Variants in TEK observed in about 807,000 individuals in gnomAD.
TEK encodes TEK receptor tyrosine kinase, also known as angiopoietin-1 receptor.
In TEK, 43 loss-of-function variants were observed where a neutral mutation model predicts 131.8. That is an observed-to-expected ratio of 0.33 (90% CI 0.26 to 0.42). The LOEUF (loss-of-function observed/expected upper bound fraction) is 0.42. TEK is among the 10% of genes least tolerant of loss of function. The pLI, the probability that TEK is intolerant of heterozygous loss-of-function variation, is 1.00. For missense variants in TEK, 1,162 were observed against 1,384.4 expected (o/e 0.84, Z 2.55); for synonymous variants, 580 against 491.6 (o/e 1.18, Z -2.38).
At chr9:27,217,784 G>GAT (rs1564105785) in intron 19 of TEK, 26 bp downstream of exon 19, 1 of 1,497,606 alleles carries the variant, frequency 6.7e-7, no homozygotes, top group Non-Finnish European at 8.9e-7. Flanking sequence ...ATTGCCAAGG[G>GAT]ATTTTTTTTC....
rs1824008945 is a variant in TEK at position 27,172,836 on chromosome 9, T to C, written c.760+89T>C. 2.6e-6 allele frequency: 4 copies of C among 1,567,726 alleles called. No individual in the cohort carries two copies. In the South Asian group the frequency reaches 4.6e-5, roughly 18 times the overall value. On this transcript the variant is annotated intron_variant, in intron 5 of 22. Coordinates refer to ENST00000380036, the MANE Select transcript of TEK (RefSeq NM_000459.5). ...TTTTAGATCTCGACACAGATGGGAA[T>C]GGACGCTAAATGGCCTCTGTTAGGT... is the stretch of plus-strand genomic sequence containing the variant.
At chr9:27,165,811 C>T (rs1281752680) in intron 2 of TEK, among the ~76,000 whole-genome samples, 1 of 152,206 alleles carries the variant, frequency 6.6e-6, no homozygotes, top group African/African-American at 2.4e-5. Context: ...GCCCCCAGGT[C>T]ATCATCTGCA....
intron 4 of TEK, among the ~76,000 whole-genome samples, chr9:27,171,742 G>T (rs1171310506): frequency 6.6e-6 from 1 of 152,158 alleles, no homozygotes; most frequent in Admixed American, 6.6e-5. Context: ...AATTTATGAT[G>T]ATAGCAAAAC....
chr9:27,195,534 C>G, intron 11 of TEK: 1 of 411,368 alleles, frequency 2.4e-6, no homozygotes, highest in South Asian at 1.8e-5. Context: ...TTTTTTGCCC[C>G]ATAGGAGTGA....
At chr9:27,161,415 G>A (rs561998533) in intron 2 of TEK, among the ~76,000 whole-genome samples, 1 of 152,318 alleles carries the variant, frequency 6.6e-6, no homozygotes, top group African/African-American at 2.4e-5. Flanking sequence ...GTATATACAA[G>A]AAGCATCGAT....
At chr9:27,116,174 A>T (rs972061402) in intron 1 of TEK, among the ~76,000 whole-genome samples, 8 of 152,120 alleles carry the variant, frequency 5.3e-5, no homozygotes, top group Non-Finnish European at 7.3e-5. Context: ...AGAATAAGTC[A>T]TTGCTCCAGC....
chr9:27,129,710 T>C (rs1822136217), intron 1 of TEK, among the ~76,000 whole-genome samples: 1 of 152,200 alleles, frequency 6.6e-6, no homozygotes, highest in African/African-American at 2.4e-5. Context: ...CCCAGATCAG[T>C]TGCCCCTCCC....
chr9:27,122,895 T>C (rs7024809), intron 1 of TEK, among the ~76,000 whole-genome samples: 2,567 of 150,618 alleles, frequency 0.017, 85 homozygotes, highest in African/African-American at 0.059. Context: ...CTACTAAAAA[T>C]ACAAAAAATT....
intron 1 of TEK, among the ~76,000 whole-genome samples, chr9:27,121,467 T>C (rs1821787333): frequency 6.7e-6 from 1 of 149,402 alleles, no homozygotes; most frequent in South Asian, 2.1e-4. Context: ...TTTTTTATTT[T>C]ATAAATATAT....
Position 27,157,253 on chromosome 9 carries a change from C to T in TEK, c.53-578C>T, listed in dbSNP as rs368293992. Among the ~76,000 whole-genome samples the T allele has an allele frequency of 1.4e-4, 22 of 152,148 alleles. No individual in the cohort carries two copies. In the South Asian group the frequency reaches 2.3e-3, roughly 16 times the overall value. Reference sequence around the variant, plus strand: ...GTGGTTGGCAAGTTATGTATTTTATCTTATTTAATCTTTACAAGAATCCTG... The same window carrying T: ...GTGGTTGGCAAGTTATGTATTTTATTTTATTTAATCTTTACAAGAATCCTG... On this transcript the variant is annotated intron_variant, in intron 1 of 22. Transcript: ENST00000380036.
intron 21 of TEK, among the ~76,000 whole-genome samples, chr9:27,221,284 G>A (rs1487866441): frequency 6.6e-6 from 1 of 152,228 alleles, no homozygotes; most frequent in Non-Finnish European, 1.5e-5. Context: ...GGGGCTTATA[G>A]ATAAAACTCC....
intron 1 of TEK, among the ~76,000 whole-genome samples, chr9:27,127,982 T>G (rs1246632931): frequency 2.6e-5 from 4 of 152,174 alleles, no homozygotes; most frequent in Non-Finnish European, 5.9e-5. Context: ...TTAGTTTAAT[T>G]AGATCCCATT....
At chr9:27,204,727 G>A (rs1376899870) in intron 13 of TEK, among the ~76,000 whole-genome samples, 184 bp from the exon 14 acceptor site, 2 of 150,474 alleles carry the variant, frequency 1.3e-5, no homozygotes, top group African/African-American at 4.9e-5. Context: ...ACAACCCTGT[G>A]AGTCAGACTC....
chr9:27,203,511 C>T (rs1444833567), intron 13 of TEK, among the ~76,000 whole-genome samples: 1 of 152,140 alleles, frequency 6.6e-6, no homozygotes, highest in Non-Finnish European at 1.5e-5. Context: ...GCTTGGATGA[C>T]ATTGTGCAAT....
intron 1 of TEK, among the ~76,000 whole-genome samples, chr9:27,134,892 T>G (rs191496141): frequency 1.3e-5 from 2 of 152,338 alleles, no homozygotes; most frequent in African/African-American, 4.8e-5. Flanking sequence ...GGCTCATTTC[T>G]TGCCCATGTT....
intron 1 of TEK, among the ~76,000 whole-genome samples, chr9:27,121,188 G>A (rs544964792): frequency 9.2e-4 from 140 of 152,228 alleles, no homozygotes; most frequent in African/African-American, 3.2e-3. Flanking sequence ...TTAGCCAGGC[G>A]TGGTGGTGCA....
chr9:27,136,086 T>TTA (rs1554689034), intron 1 of TEK, among the ~76,000 whole-genome samples: 14 of 42,122 alleles, frequency 3.3e-4, no homozygotes, highest in Non-Finnish European at 7.4e-4. Context: ...AGGGCAGTTA[T>TTA]TTTTTTTTTT....
intron 22 of TEK, among the ~76,000 whole-genome samples, chr9:27,228,823 C>CAGAG (rs146884639): frequency 0.08 from 12,097 of 152,112 alleles, 683 homozygotes; most frequent in Admixed American, 0.15. Flanking sequence ...TGAGATCACA[C>CAGAG]AGATGTGAAA....
chr9:27,211,175 A>ATG (rs1554701066), intron 16 of TEK, among the ~76,000 whole-genome samples: 1 of 88,700 alleles, frequency 1.1e-5, no homozygotes, highest in Non-Finnish European at 2.7e-5. Flanking sequence ...GTATGTGTAT[A>ATG]TATATATATG....
Sources: gnomAD v4.1 joint callset for allele counts (sites outside exome capture counted in the v4.1 genomes callset) on GRCh38, gnomAD v4.1.1 for gene constraint, MANE v1.5 for transcripts, NCBI Gene and HGNC (gene_info 2026-07-23, HGNC 2026-07-21) for gene names.